LHFPL3: variants seen among roughly 807,000 people sequenced by gnomAD.
LHFPL3 encodes LHFPL tetraspan subfamily member 3 protein.
Under a neutral mutation model 19.3 loss-of-function variants are expected in LHFPL3, and 5 were observed. The ratio of observed to expected loss-of-function variants is 0.26; its 90% CI spans 0.14 to 0.54. The LOEUF is 0.54. Ranked by LOEUF, LHFPL3 falls within the 20% of genes least tolerant of loss-of-function variation. LHFPL3 has a pLI of 0.94. For synonymous variants in LHFPL3, 133 were observed against 126.2 expected (o/e 1.05, Z -0.36); for missense variants, 249 against 307.4 (o/e 0.81, Z 1.42).
intron 2 of LHFPL3, among the ~76,000 whole-genome samples, chr7:104,808,085 A>G (rs1790399988): frequency 6.6e-6 from 1 of 152,156 alleles, no homozygotes; most frequent in Non-Finnish European, 1.5e-5. Flanking sequence ...TTTAAGTAAC[A>G]GTATTTGACT....
At chr7:104,810,618 G>A (rs1790445924) in intron 2 of LHFPL3, among the ~76,000 whole-genome samples, 1 of 152,150 alleles carries the variant, frequency 6.6e-6, no homozygotes, top group Non-Finnish European at 1.5e-5. Context: ...GTTTCTTTGG[G>A]GTAGGATGCC....
chr7:104,586,174 A>T (rs1790572252), intron 1 of LHFPL3, among the ~76,000 whole-genome samples: 1 of 152,180 alleles, frequency 6.6e-6, no homozygotes, highest in African/African-American at 2.4e-5. Context: ...GGAGGAAATA[A>T]AAGAAAGTAT....
chr7:104,673,123 C>T (rs888728754), intron 1 of LHFPL3, among the ~76,000 whole-genome samples: 4 of 152,196 alleles, frequency 2.6e-5, no homozygotes, highest in African/African-American at 9.7e-5. Context: ...ACAGCCTCCT[C>T]CTTCATGTAG....
At chr7:104,372,175 A>G (rs190489439) in intron 1 of LHFPL3, among the ~76,000 whole-genome samples, 20 of 152,174 alleles carry the variant, frequency 1.3e-4, no homozygotes, top group African/African-American at 3.6e-4. Flanking sequence ...GGAGGTGCTC[A>G]TGTATCCACC....
chr7:104,719,742 G>A (rs1033034208), intron 1 of LHFPL3, among the ~76,000 whole-genome samples: 5 of 152,212 alleles, frequency 3.3e-5, no homozygotes, highest in East Asian at 1.9e-4. Context: ...ACCAATATTC[G>A]AAAGTGATTT....
At chr7:104,367,810 G>A (rs918863064) in intron 1 of LHFPL3, among the ~76,000 whole-genome samples, 1 of 152,198 alleles carries the variant, frequency 6.6e-6, no homozygotes, top group African/African-American at 2.4e-5. Flanking sequence ...GAGACTTTAG[G>A]GGGAAGGAGG....
intron 1 of LHFPL3, among the ~76,000 whole-genome samples, chr7:104,677,208 C>G (rs1792607937): frequency 6.6e-6 from 1 of 151,998 alleles, no homozygotes; most frequent in African/African-American, 2.4e-5. Flanking sequence ...AGATCTACAT[C>G]TCTACAAAAT....
chr7:104,435,456 TA>T (rs1562896794), intron 1 of LHFPL3, among the ~76,000 whole-genome samples: 1 of 151,422 alleles, frequency 6.6e-6, no homozygotes, highest in Non-Finnish European at 1.5e-5. Context: ...AAAAAAGACT[TA>T]TTTTTTTATT....
chr7:104,759,978 C>T (rs1794347269), intron 2 of LHFPL3, among the ~76,000 whole-genome samples: 2 of 152,186 alleles, frequency 1.3e-5, no homozygotes, highest in Non-Finnish European at 1.5e-5. Context: ...GTATTATCGT[C>T]GCTCCTCAGA....
chr7:104,572,235 A>C (rs1477802939), intron 1 of LHFPL3, among the ~76,000 whole-genome samples: 1 of 152,188 alleles, frequency 6.6e-6, no homozygotes, highest in Admixed American at 6.5e-5. Context: ...AACTGCAGTT[A>C]CTTTTGCACC....
At chr7:104,587,961 G>A (rs1349694948) in intron 1 of LHFPL3, among the ~76,000 whole-genome samples, 1 of 152,034 alleles carries the variant, frequency 6.6e-6, no homozygotes, top group Non-Finnish European at 1.5e-5. Context: ...ACTTGTTAAT[G>A]GGGTTGTTTT....
chr7:104,779,208 T>G (rs1794680091), intron 2 of LHFPL3, among the ~76,000 whole-genome samples: 1 of 152,126 alleles, frequency 6.6e-6, no homozygotes, highest in Non-Finnish European at 1.5e-5. Flanking sequence ...ACTCACCTCA[T>G]AGGGTGGTTA....
chr7:104,636,978 T>C (rs1791740106), intron 1 of LHFPL3, among the ~76,000 whole-genome samples: 1 of 152,210 alleles, frequency 6.6e-6, no homozygotes, highest in African/African-American at 2.4e-5. Flanking sequence ...TCCACAATAG[T>C]TGAACTAATT....
intron 1 of LHFPL3, among the ~76,000 whole-genome samples, chr7:104,383,280 G>A (rs1268633956): frequency 6.6e-6 from 1 of 152,210 alleles, no homozygotes; most frequent in Non-Finnish European, 1.5e-5. Context: ...TTCAGATAGT[G>A]TAAGTACAAA....
chr7:104,489,362 A>G (rs1183650556), intron 1 of LHFPL3, among the ~76,000 whole-genome samples: 1 of 151,912 alleles, frequency 6.6e-6, no homozygotes, highest in East Asian at 1.9e-4. Context: ...CTGAAATCTT[A>G]AGTTTTGAAC....
chr7:104,704,542 C>G (rs1377031776), intron 1 of LHFPL3, among the ~76,000 whole-genome samples: 2 of 144,298 alleles, frequency 1.4e-5, no homozygotes, highest in African/African-American at 5.2e-5. Context: ...TTTTTTAGTA[C>G]TTCCCTCACA....
rs7778530 is a variant in LHFPL3, at chr7:104,804,914, G to A, written c.682+68003G>A. Among the ~76,000 whole-genome samples the A allele has an allele frequency of 3.0e-3, 459 of 152,284 alleles. 3 individuals are homozygous for A. The highest frequency in any genetic ancestry group is 9.9e-3 in the African/African-American group (410 of 41,562). Reference sequence around the variant, plus strand: ...ACAAATGTGGGCTGTTCTAAGCCACGAGGTTTGTGGTAATACTGTTATACA... The same window carrying A: ...ACAAATGTGGGCTGTTCTAAGCCACAAGGTTTGTGGTAATACTGTTATACA... On this transcript the variant is annotated intron_variant, in intron 2 of 2. Coordinates refer to ENST00000424859, the MANE Select transcript of LHFPL3 (RefSeq NM_199000.3).
rs527433236 is a variant in LHFPL3, at chr7:104,599,554, G to T, written c.446-137121G>T. On this transcript the variant is annotated intron_variant, in intron 1 of 2. Coordinates refer to ENST00000424859, the MANE Select transcript of LHFPL3 (RefSeq NM_199000.3). ...CACATGTTTATTCTTTGTCTTCCTCGTTCATTGAATTAGCATTTTCTGAGC... is the reference window on the plus strand; with the variant it reads ...CACATGTTTATTCTTTGTCTTCCTCTTTCATTGAATTAGCATTTTCTGAGC... Among the ~76,000 whole-genome samples, 207 of 152,232 alleles carry T rather than the reference G, an allele frequency of 1.4e-3. 2 individuals carry two copies. Among genetic ancestry groups the T allele is most frequent in the African/African-American group, 4.8e-3 (199 of 41,550 alleles).
chr7:104,736,796 A>T lies in LHFPL3; in HGVS notation c.567A>T (p.Ala189=). Residue 189 remains alanine (A), a synonymous_variant, in exon 2 of 3, where the codon GCA becomes GCT. Transcript: ENST00000424859. ...TTGGGGCTTGCTCAGTCCGCTGGGC[A>T]TACATCCTGGCTATTATTGGAATTT... is the stretch of plus-strand genomic sequence containing the variant. The part of the protein sequence containing the change: ...YTLGACSVRW[A]YILAIIGILD... The T allele has an allele frequency of 6.2e-7, 1 of 1,613,696 alleles. No homozygotes were observed. Among genetic ancestry groups the T allele is most frequent in the Non-Finnish European group, 8.5e-7 (1 of 1,179,822 alleles).
Sources: allele counts gnomAD v4.1 joint callset (sites outside exome capture counted in the v4.1 genomes callset), GRCh38; gene constraint gnomAD v4.1.1; transcripts MANE v1.5; gene names NCBI Gene and HGNC (gene_info 2026-07-23, HGNC 2026-07-21).